FMN1: variants seen among roughly 807,000 people sequenced by gnomAD.
The protein encoded by FMN1 is formin 1.
FMN1 carries 110 observed loss-of-function variants against 132.4 expected under a neutral mutation model. The observed-to-expected ratio is 0.83, with a 90% CI of 0.71 to 0.97. FMN1 has a LOEUF of 0.97. Among genes scored for constraint, FMN1 ranks in the 50% least tolerant of loss-of-function variants. FMN1 has a pLI of 0.00. For synonymous variants in FMN1, 722 were observed against 651.7 expected, an observed-to-expected ratio of 1.11 and a Z score of -1.64; for missense variants, 1,792 against 1,705.3, an observed-to-expected ratio of 1.05 and a Z score of -0.90.
chr15:33,000,719 C>G (rs367583522), intron 7 of FMN1, among the ~76,000 whole-genome samples: 1 of 152,106 alleles, frequency 6.6e-6, no homozygotes, highest in Non-Finnish European at 1.5e-5. Context: ...GGTAGTATCC[C>G]AAACAATGGG....
chr15:33,154,713 C>T lies in FMN1; in HGVS notation c.202G>A (p.Glu68Lys), dbSNP rs1023944600. ...DIISLSQEPDEHPGDIFFKQT... is the reference protein window; with the variant it reads ...DIISLSQEPDKHPGDIFFKQT... ...TTGAAAAATATGTCGCCTGGATGTT[C>T]GTCCGGCTCCTGGCTGAGGCTGATG... The change falls in exon 4 of 21, where the codon GAA becomes AAA. Residue 68 changes from glutamate to lysine, a missense_variant. Glu to Lys is a moderately conservative substitution (Grantham distance 56, BLOSUM62 1). Coordinates refer to ENST00000616417, the MANE Select transcript of FMN1 (RefSeq NM_001277313.2). 6.5e-6 allele frequency: 10 copies of T among 1,535,978 alleles called. No homozygotes were observed. Among genetic ancestry groups the T allele is most frequent in the Middle Eastern group, 1.7e-4 (1 of 6,012 alleles).
intron 9 of FMN1, among the ~76,000 whole-genome samples, chr15:32,948,292 A>AT (rs1491409594): frequency 2.2e-4 from 31 of 142,650 alleles, no homozygotes; most frequent in Middle Eastern, 3.6e-3. Context: ...ATTATCAAAC[A>AT]TTTTTTTATA....
At chr15:33,088,745 G>A (rs2038795136) in intron 5 of FMN1, 54 bp downstream of exon 5, 5 of 1,394,832 alleles carry the variant, frequency 3.6e-6, no homozygotes, top group Non-Finnish European at 4.8e-6. Flanking sequence ...CATATTAAAT[G>A]AGCCTCTGTT....
chr15:32,848,629 G>A (rs972649796), intron 17 of FMN1, among the ~76,000 whole-genome samples: 19 of 152,162 alleles, frequency 1.2e-4, no homozygotes, highest in African/African-American at 4.3e-4. Context: ...GTGGCTAAGG[G>A]ACCCCAGTTG....
At chr15:33,181,707 CTTTT>C (rs753993602) in intron 2 of FMN1, among the ~76,000 whole-genome samples, 3 of 126,194 alleles carry the variant, frequency 2.4e-5, no homozygotes, top group Admixed American at 8.4e-5. Context: ...TTTTTTCTTT[CTTTT>C]TTTTTTTTTT....
chr15:32,953,638 G>T (rs1596335832), intron 9 of FMN1, among the ~76,000 whole-genome samples: 1 of 152,260 alleles, frequency 6.6e-6, no homozygotes, highest in East Asian at 1.9e-4. Flanking sequence ...GAAGTAAGTG[G>T]ACAGTTTTGT....
chr15:33,040,348 T>C (rs772917432), intron 6 of FMN1, among the ~76,000 whole-genome samples: 21 of 152,182 alleles, frequency 1.4e-4, no homozygotes, highest in Admixed American at 1.3e-3. Context: ...AACTTATTTG[T>C]GTATTTGTAA....
At chr15:33,024,004 C>G (rs922121691) in intron 6 of FMN1, among the ~76,000 whole-genome samples, 6 of 151,848 alleles carry the variant, frequency 4.0e-5, no homozygotes, top group African/African-American at 1.5e-4. Flanking sequence ...ATTTGCAAAG[C>G]ATATAACCAA....
chr15:33,111,422 T>G (rs1020638324), intron 4 of FMN1, among the ~76,000 whole-genome samples: 2 of 152,124 alleles, frequency 1.3e-5, no homozygotes, highest in African/African-American at 2.4e-5. Flanking sequence ...GTCTTGGCAT[T>G]TCCTCAAAAG....
intron 4 of FMN1, among the ~76,000 whole-genome samples, chr15:33,127,293 ATAAG>A (rs1388931918): frequency 4.6e-5 from 7 of 152,194 alleles, no homozygotes; most frequent in East Asian, 3.9e-4. Context: ...AATCCGTCAA[ATAAG>A]TAACGTCATG....
At chr15:33,085,103 C>T (rs1244132682) in intron 5 of FMN1, among the ~76,000 whole-genome samples, 1 of 151,952 alleles carries the variant, frequency 6.6e-6, no homozygotes, top group Non-Finnish European at 1.5e-5. Flanking sequence ...TTTTTTTCTT[C>T]TTTTTTTACT....
At chr15:32,838,874 G>T (rs1342427535) in intron 17 of FMN1, among the ~76,000 whole-genome samples, 1 of 152,168 alleles carries the variant, frequency 6.6e-6, no homozygotes, top group Non-Finnish European at 1.5e-5. Context: ...GAAATCTCGA[G>T]AGCCCAGCAG....
At chr15:33,146,450 C>T (rs139380847) in intron 4 of FMN1, among the ~76,000 whole-genome samples, 2 of 152,276 alleles carry the variant, frequency 1.3e-5, no homozygotes, top group Non-Finnish European at 2.9e-5. Flanking sequence ...TCAAATCCGT[C>T]TGTATCCCAT....
In FMN1 at chr15:32,768,126, A is replaced by T. The variant is rs2056108239; in HGVS notation, c.*6184T>A. Reference sequence around the variant, plus strand: ...ATAAACTCCTTTTTATACATCTCCTATAAAGAAATCTGGAATTCAAAATCC... The same window carrying T: ...ATAAACTCCTTTTTATACATCTCCTTTAAAGAAATCTGGAATTCAAAATCC... On this transcript the variant is annotated 3_prime_UTR_variant, in exon 21 of 21. Coordinates refer to ENST00000616417, the MANE Select transcript of FMN1 (RefSeq NM_001277313.2). The T allele has an allele frequency of 6.6e-6, 1 of 152,200 alleles. No homozygotes were observed. Among genetic ancestry groups the T allele is most frequent in the Non-Finnish European group, 1.5e-5 (1 of 68,036 alleles). The allele number at this position is 152,200 out of a possible 1,614,324, so 9.4% of individuals were successfully genotyped here.
intron 6 of FMN1, among the ~76,000 whole-genome samples, chr15:33,045,187 G>T (rs1162737718): frequency 6.6e-6 from 1 of 152,208 alleles, no homozygotes; most frequent in Non-Finnish European, 1.5e-5. Flanking sequence ...GCCTCGCAGG[G>T]AGTCAGCACC....
At chr15:32,992,166 T>C (rs904220587) in intron 7 of FMN1, among the ~76,000 whole-genome samples, 3 of 152,182 alleles carry the variant, frequency 2.0e-5, no homozygotes, top group African/African-American at 7.2e-5. Flanking sequence ...CATTGTTTTA[T>C]AGCAAAAGGA....
intron 7 of FMN1, among the ~76,000 whole-genome samples, chr15:32,998,770 G>T (rs2033925124): frequency 6.6e-6 from 1 of 152,200 alleles, no homozygotes; most frequent in South Asian, 2.1e-4. Flanking sequence ...AGACTCAGCA[G>T]AAATGATTGA....
intron 9 of FMN1, among the ~76,000 whole-genome samples, 190 bp from the exon 10 acceptor site, chr15:32,926,451 C>G (rs1181571986): frequency 6.6e-6 from 1 of 152,196 alleles, no homozygotes; most frequent in African/African-American, 2.4e-5. Context: ...TACACAATGA[C>G]AGACGTTTTA....
At chr15:33,072,955 T>A (rs1169613060) in intron 5 of FMN1, among the ~76,000 whole-genome samples, 1 of 150,488 alleles carries the variant, frequency 6.6e-6, no homozygotes, top group African/African-American at 2.4e-5. Flanking sequence ...AGAACATCAG[T>A]CTAGTAAGTG....
Sources: gnomAD v4.1 joint callset for allele counts (sites outside exome capture counted in the v4.1 genomes callset) on GRCh38, gnomAD v4.1.1 for gene constraint, MANE v1.5 for transcripts, NCBI Gene and HGNC (gene_info 2026-07-23, HGNC 2026-07-21) for gene names.